The following GMPR variants were observed in gnomAD, a reference collection of about 807,000 sequenced individuals.
The protein encoded by GMPR is GMP reductase 1.
Under a neutral mutation model 38.4 loss-of-function variants are expected in GMPR, and 31 were observed. The observed-to-expected ratio is 0.81, with a 90% CI of 0.61 to 1.09. The LOEUF is 1.09. Among genes scored for constraint, GMPR ranks in the 50% least tolerant of loss-of-function variants. The pLI, the probability that GMPR is intolerant of heterozygous loss-of-function variation, is 0.00. For synonymous variants in GMPR, 162 were observed against 173.3 expected, an observed-to-expected ratio of 0.93 and a Z score of 0.51; for missense variants, 468 against 453.7, an observed-to-expected ratio of 1.03 and a Z score of -0.29.
intron 4 of GMPR, among the ~76,000 whole-genome samples, chr6:16,256,528 CAAAAAAA>C (rs1006257648): frequency 1.2e-4 from 4 of 33,924 alleles, no homozygotes; most frequent in African/African-American, 3.9e-4. Flanking sequence ...GACTCTGTCT[CAAAAAAA>C]AAAAAAAAAA....
chr6:16,250,413 A>G (rs1758848900), intron 3 of GMPR, 46 bp downstream of exon 3: 1 of 1,067,148 alleles, frequency 9.4e-7, no homozygotes. Flanking sequence ...GCAGGGGGGA[A>G]CAAAATCTTC....
chr6:16,289,226 G>A (rs190151871), intron 7 of GMPR, among the ~76,000 whole-genome samples: 103 of 152,250 alleles, frequency 6.8e-4, no homozygotes, highest in African/African-American at 2.1e-3. Flanking sequence ...AGCCTCAGCC[G>A]CGCCACCTTA....
intron 7 of GMPR, among the ~76,000 whole-genome samples, chr6:16,289,116 C>G (rs143592246): frequency 2.0e-5 from 3 of 152,232 alleles, no homozygotes; most frequent in African/African-American, 4.8e-5. Flanking sequence ...GCTGCTCGGT[C>G]TTTAGGCCCA....
intron 6 of GMPR, among the ~76,000 whole-genome samples, chr6:16,283,915 G>T (rs1759622209): frequency 6.6e-6 from 1 of 152,174 alleles, no homozygotes; most frequent in Non-Finnish European, 1.5e-5. Context: ...AAATTAATTG[G>T]CAGGGCAAGC....
chr6:16,292,415 A>G lies in GMPR; in HGVS notation c.857+1794A>G, dbSNP rs553676835. ...CTTTCTCTTGGTGGTGAACCCCAAT[A>G]AAGATATTATAGTATGGGAAAAGCA... On this transcript the variant is annotated intron_variant, in intron 8 of 8. Coordinates refer to ENST00000259727, the MANE Select transcript of GMPR (RefSeq NM_006877.4). Among the ~76,000 whole-genome samples the G allele has an allele frequency of 7.7e-4, 117 of 152,064 alleles. 2 individuals carry two copies. In the South Asian group the frequency reaches 0.023, roughly 30 times the overall value.
At chr6:16,294,739 C>T (rs1160139423) in intron 8 of GMPR, among the ~76,000 whole-genome samples, 8 of 152,196 alleles carry the variant, frequency 5.3e-5, no homozygotes, top group Admixed American at 3.3e-4. Context: ...CTCCTTCAAG[C>T]GCTGCTCACC....
At chr6:16,259,569 GTAACC>G (rs1214156648) in intron 4 of GMPR, among the ~76,000 whole-genome samples, 2 of 151,976 alleles carry the variant, frequency 1.3e-5, no homozygotes, top group Admixed American at 1.3e-4. Flanking sequence ...GGGCGGCGTG[GTAACC>G]TAGAGTGGGA....
At chr6:16,246,792 G>C in intron 1 of GMPR, 50 bp from the exon 2 acceptor site, 1 of 1,583,426 alleles carries the variant, frequency 6.3e-7, no homozygotes, top group Middle Eastern at 1.7e-4. Context: ...TCACATAAGA[G>C]CAAAGCACTC....
At chr6:16,289,126 A>T (rs1465521360) in intron 7 of GMPR, among the ~76,000 whole-genome samples, 1 of 152,206 alleles carries the variant, frequency 6.6e-6, no homozygotes, top group Non-Finnish European at 1.5e-5. Flanking sequence ...CTTTAGGCCC[A>T]CACTGCTTTT....
intron 6 of GMPR, among the ~76,000 whole-genome samples, chr6:16,285,017 CAA>C (rs1230598044): frequency 5.7e-5 from 2 of 35,098 alleles, no homozygotes; most frequent in African/African-American, 1.1e-4. Context: ...GAGACTGTCT[CAA>C]AAAAAAAAAA....
At chr6:16,267,241 G>T (rs536762732) in intron 4 of GMPR, among the ~76,000 whole-genome samples, 11 of 152,004 alleles carry the variant, frequency 7.2e-5, no homozygotes, top group Admixed American at 3.9e-4. Flanking sequence ...GTGCAGTGGC[G>T]GGCGCCTGTA....
intron 4 of GMPR, among the ~76,000 whole-genome samples, chr6:16,258,872 G>C (rs984362345): frequency 6.6e-6 from 1 of 152,172 alleles, no homozygotes; most frequent in Non-Finnish European, 1.5e-5. Context: ...GTGTTATTAC[G>C]ATTGTTACAA....
chr6:16,295,047 A>G lies in GMPR; in HGVS notation c.899A>G (p.Asp300Gly). ...GKTVEVPYKG[D>G]VENTILDILG... ...ACTGTGGAAGTTCCTTACAAAGGAGATGTGGAAAACACTATCCTGGATATT... is the reference window on the plus strand; with the variant it reads ...ACTGTGGAAGTTCCTTACAAAGGAGGTGTGGAAAACACTATCCTGGATATT... The change falls in exon 9 of 9, where the codon GAT (aspartate) becomes GGT (glycine). Residue 300 changes from aspartate (D) to glycine (G), a missense_variant. Coordinates refer to ENST00000259727, the MANE Select transcript of GMPR (RefSeq NM_006877.4). 1 of 1,609,354 alleles carries G rather than the reference A, an allele frequency of 6.2e-7. No homozygotes were observed. The highest frequency in any genetic ancestry group is 8.5e-7 in the Non-Finnish European group (1 of 1,178,092).
chr6:16,282,294 G>C (rs1020617137), intron 6 of GMPR, among the ~76,000 whole-genome samples: 1 of 152,180 alleles, frequency 6.6e-6, no homozygotes, highest in African/African-American at 2.4e-5. Context: ...TGAAGATTAA[G>C]GTGGGACCAG....
chr6:16,289,041 AC>A (rs1286669465), intron 7 of GMPR, among the ~76,000 whole-genome samples: 1 of 152,144 alleles, frequency 6.6e-6, no homozygotes, highest in Non-Finnish European at 1.5e-5. Context: ...GCAGTGGCAA[AC>A]CCTTCTGGCT....
intron 4 of GMPR, among the ~76,000 whole-genome samples, chr6:16,267,992 G>A (rs1219893242): frequency 1.3e-5 from 2 of 152,176 alleles, no homozygotes; most frequent in African/African-American, 2.4e-5. Flanking sequence ...TCCGCTGTAC[G>A]CCTCTTCACA....
chr6:16,242,955 T>C (rs894412773), intron 1 of GMPR, among the ~76,000 whole-genome samples: 2 of 152,212 alleles, frequency 1.3e-5, no homozygotes, highest in Non-Finnish European at 2.9e-5. Context: ...ATCAGTCATA[T>C]TGGACTAGGG....
At chr6:16,243,655 C>T (rs759715522) in intron 1 of GMPR, among the ~76,000 whole-genome samples, 6 of 152,188 alleles carry the variant, frequency 3.9e-5, no homozygotes, top group African/African-American at 7.2e-5. Context: ...TTGCTTTACT[C>T]GGTACCATCT....
intron 8 of GMPR, among the ~76,000 whole-genome samples, chr6:16,292,853 G>T (rs1046811303): frequency 2.0e-5 from 3 of 152,104 alleles, no homozygotes; most frequent in Admixed American, 1.3e-4. Context: ...ATTTCAGCAG[G>T]GTTTAGGTAT....
Sources: allele counts gnomAD v4.1 joint callset (sites outside exome capture counted in the v4.1 genomes callset), GRCh38; gene constraint gnomAD v4.1.1; transcripts MANE v1.5; gene names NCBI Gene and HGNC (gene_info 2026-07-23, HGNC 2026-07-21).